XPNPEP1: variants seen among roughly 807,000 people sequenced by gnomAD.
XPNPEP1 encodes X-prolyl aminopeptidase 1.
XPNPEP1 carries 39 observed loss-of-function variants against 92.4 expected under a neutral mutation model. The observed-to-expected ratio is 0.42, with a 90% CI of 0.33 to 0.55. The LOEUF is 0.55. Among genes scored for constraint, XPNPEP1 ranks in the 20% least tolerant of loss-of-function variants. XPNPEP1 has a pLI of 0.08. For missense variants in XPNPEP1, 654 were observed against 856.1 expected (o/e 0.76, Z 2.95); for synonymous variants, 307 against 299.4 (o/e 1.03, Z -0.26).
chr10:109,884,206 T>G, intron 8 of XPNPEP1, 58 bp from the exon 9 acceptor site: 1 of 1,551,842 alleles, frequency 6.4e-7, no homozygotes, highest in Non-Finnish European at 8.9e-7. Context: ...AAGGGGTCGC[T>G]TGTAGCGGGA....
chr10:109,907,381 A>C (rs58648137), intron 3 of XPNPEP1, among the ~76,000 whole-genome samples: 2,917 of 152,328 alleles, frequency 0.019, 102 homozygotes, highest in African/African-American at 0.067. Context: ...GACAGGGCAA[A>C]CAATTCTGCT....
At chr10:109,887,027 C>T (rs1349334176) in intron 7 of XPNPEP1, among the ~76,000 whole-genome samples, 1 of 152,204 alleles carries the variant, frequency 6.6e-6, no homozygotes, top group African/African-American at 2.4e-5. Context: ...CCACAACCAC[C>T]CTACCAGGGC....
intron 3 of XPNPEP1, 139 bp downstream of exon 3, chr10:109,907,552 G>T: frequency 7.5e-7 from 1 of 1,332,120 alleles, no homozygotes; most frequent in Non-Finnish European, 1.0e-6. Context: ...GAGACCTATT[G>T]GACACAGATC....
At chr10:109,877,968 A>G (rs772486998) in intron 13 of XPNPEP1, 32 bp downstream of exon 13, 2 of 1,614,228 alleles carry the variant, frequency 1.2e-6, no homozygotes, top group South Asian at 2.2e-5. Flanking sequence ...AATCAGCACG[A>G]GGCTCCTGGG....
At chr10:109,871,348 A>G (rs535141920) in intron 17 of XPNPEP1, among the ~76,000 whole-genome samples, 2 of 152,304 alleles carry the variant, frequency 1.3e-5, no homozygotes, top group East Asian at 3.9e-4. Context: ...TGCCCAGTCC[A>G]ATGCTCCACC....
intron 3 of XPNPEP1, among the ~76,000 whole-genome samples, chr10:109,902,711 C>T (rs747718271): frequency 1.3e-5 from 2 of 152,222 alleles, no homozygotes; most frequent in Non-Finnish European, 2.9e-5. Flanking sequence ...GAAGTCTAAA[C>T]AGTGACTTCT....
Position 109,909,088 on chromosome 10 carries a change from G to A in XPNPEP1, c.122-1273C>T, listed in dbSNP as rs140154816. Among the ~76,000 whole-genome samples the A allele has an allele frequency of 2.9e-3, 444 of 152,180 alleles. 2 individuals carry two copies. The highest frequency in any genetic ancestry group is 9.9e-3 in the African/African-American group (413 of 41,534). ...GATCGAGACCATCCTGGCTAACATG[G>A]TGAAGCCCCGTCTCTACTAAAAATA... On this transcript the variant is annotated intron_variant, in intron 2 of 20. Transcript: ENST00000502935.
chr10:109,918,022 G>A (rs1850284197), intron 1 of XPNPEP1, among the ~76,000 whole-genome samples: 1 of 151,872 alleles, frequency 6.6e-6, no homozygotes, highest in South Asian at 2.1e-4. Context: ...CTGAGGTGGG[G>A]TGGATCACTT....
intron 12 of XPNPEP1, among the ~76,000 whole-genome samples, chr10:109,879,100 A>G (rs1327200731): frequency 6.6e-6 from 1 of 150,946 alleles, no homozygotes; most frequent in Non-Finnish European, 1.5e-5. Context: ...AAATTAGCCA[A>G]GCATGGTGGC....
chr10:109,884,067 A>G lies in XPNPEP1; in HGVS notation c.830T>C (p.Met277Thr). The change falls in exon 9 of 21, where the codon ATG becomes ACG. Residue 277 changes from methionine to threonine, a missense_variant and splice_region_variant. Transcript: ENST00000502935. Reference sequence around the variant, plus strand: ...TTCCAGATGCAGGGCAAACACTCACATGATCGTCTCTAGTCCTATGATTGC... The same window carrying G: ...TTCCAGATGCAGGGCAAACACTCACGTGATCGTCTCTAGTCCTATGATTGC... ...SYAIIGLETI[M>T]LFIDGDRIDA... 6.2e-7 allele frequency: 1 copy of G among 1,613,332 alleles called. No homozygotes were observed. Among genetic ancestry groups the G allele is most frequent in the Non-Finnish European group, 8.5e-7 (1 of 1,179,626 alleles).
chr10:109,907,874 G>C (rs998837008), intron 2 of XPNPEP1, 59 bp from the exon 3 acceptor site: 15 of 1,601,090 alleles, frequency 9.4e-6, no homozygotes, highest in African/African-American at 1.3e-5. Context: ...TCAACGTCCA[G>C]TTCGAAGTGG....
At chr10:109,881,064 G>T in intron 10 of XPNPEP1, 133 bp from the exon 11 acceptor site, 1 of 798,152 alleles carries the variant, frequency 1.3e-6, no homozygotes, top group Non-Finnish European at 2.0e-6. Context: ...GACCCATATA[G>T]CTATCCCCTG....
Position 109,923,462 on chromosome 10 carries a change from A to G in XPNPEP1, c.-29T>C, listed in dbSNP as rs1589653304. On this transcript the variant is annotated 5_prime_UTR_variant, in exon 1 of 21. Transcript: ENST00000502935. The stretch of plus-strand genomic sequence containing the variant: ...GCGGTGACGTGCCCCAGCCCACGTC[A>G]GGGGAGCGCAGACCAGCTGATCACC... 7.1e-7 allele frequency: 1 copy of G among 1,405,828 alleles called. No individual in the cohort carries two copies. The highest frequency in any genetic ancestry group is 1.4e-5 in the South Asian group (1 of 72,896). The allele number at this position is 1,405,828 out of a possible 1,614,324, so 87.1% of individuals were successfully genotyped here.
In XPNPEP1 at chr10:109,920,371, G is replaced by A. The variant is rs574108494; in HGVS notation, c.32+3031C>T. On this transcript the variant is annotated intron_variant, in intron 1 of 20. Coordinates refer to ENST00000502935, the MANE Select transcript of XPNPEP1 (RefSeq NM_020383.4). The stretch of plus-strand genomic sequence containing the variant: ...TTTAACAGATGAATTGTATATAAGT[G>A]AATTATATCTCAATAAAGCCATTAT... Among the ~76,000 whole-genome samples the A allele has an allele frequency of 8.1e-4, 124 of 152,298 alleles. 1 individual carries two copies. Among genetic ancestry groups the A allele is most frequent in the African/African-American group, 2.9e-3 (121 of 41,556 alleles).
At chr10:109,921,893 A>G (rs1247431664) in intron 1 of XPNPEP1, among the ~76,000 whole-genome samples, 1 of 152,214 alleles carries the variant, frequency 6.6e-6, no homozygotes, top group South Asian at 2.1e-4. Context: ...CTGCTCCATT[A>G]GGAAGGAGGG....
chr10:109,907,617 T>A, intron 3 of XPNPEP1, 74 bp downstream of exon 3: 1 of 1,591,358 alleles, frequency 6.3e-7, no homozygotes, highest in Non-Finnish European at 8.6e-7. Context: ...GGTTGACAAT[T>A]AGAATCCTAC....
intron 7 of XPNPEP1, among the ~76,000 whole-genome samples, chr10:109,886,727 C>T (rs569359782): frequency 1.3e-5 from 2 of 152,198 alleles, no homozygotes. Context: ...GCAATTAACA[C>T]ACTACTGTAA....
chr10:109,921,531 C>T (rs1850540575), intron 1 of XPNPEP1, among the ~76,000 whole-genome samples: 1 of 152,204 alleles, frequency 6.6e-6, no homozygotes, highest in Non-Finnish European at 1.5e-5. Flanking sequence ...ACCCCCAGTT[C>T]ATGGGAATCA....
chr10:109,876,363 C>CA (rs770611556), intron 14 of XPNPEP1: 1 of 152,318 alleles, frequency 6.6e-6, no homozygotes, highest in Middle Eastern at 3.4e-3. Context: ...GGCACCAGTC[C>CA]ACACACAAGC....
Sources: gnomAD v4.1 joint callset for allele counts (sites outside exome capture counted in the v4.1 genomes callset) on GRCh38, gnomAD v4.1.1 for gene constraint, MANE v1.5 for transcripts, NCBI Gene and HGNC (gene_info 2026-07-23, HGNC 2026-07-21) for gene names.